MRFAP1L1: variants seen among roughly 807,000 people sequenced by gnomAD.
MRFAP1L1 encodes MORF4 family-associated protein 1-like 1.
A neutral mutation model predicts 10.6 loss-of-function variants in MRFAP1L1; 9 were observed. That is an observed-to-expected ratio of 0.85 (90% CI 0.51 to 1.48). MRFAP1L1 has a LOEUF of 1.48. Among genes scored for constraint, MRFAP1L1 ranks in the 40% most tolerant of loss-of-function variants. The pLI, the probability that MRFAP1L1 is intolerant of heterozygous loss-of-function variation, is 0.00. For missense variants in MRFAP1L1, 177 were observed against 171.4 expected, an observed-to-expected ratio of 1.03 and a Z score of -0.18; for synonymous variants, 78 against 70.4, an observed-to-expected ratio of 1.11 and a Z score of -0.54.
chr4:6,707,755 A>G lies in MRFAP1L1; in HGVS notation c.*904T>C, dbSNP rs1169628751. 6.6e-6 allele frequency: 1 copy of G among 152,216 alleles called. No homozygotes were observed. The highest frequency in any genetic ancestry group is 1.9e-4 in the East Asian group (1 of 5,208). The allele number at this position is 152,216 out of a possible 1,614,324, so 9.4% of individuals were successfully genotyped here. On this transcript the variant is annotated 3_prime_UTR_variant, in exon 2 of 2. Coordinates refer to ENST00000320848, the MANE Select transcript of MRFAP1L1 (RefSeq NM_203462.3). ...CAGGAGGGGCTTTGGTCATGTGAAC[A>G]AAAAATTTATTTCTTAAAAAAGGCT...
rs62289390 is a variant in MRFAP1L1 at position 6,708,629 on chromosome 4, T to C, written c.*30A>G. 0.03 allele frequency: 4,542 copies of C among 153,286 alleles called. 124 individuals are homozygous for C. The highest frequency in any genetic ancestry group is 0.041 in the Non-Finnish European group (2,823 of 68,656). 9.5% of individuals were successfully genotyped at this position (153,286 alleles called of 1,614,324 possible). A position where few individuals can be genotyped will look rare whatever the true frequency, so the allele number is the denominator to read the frequency against. On this transcript the variant is annotated 3_prime_UTR_variant, in exon 2 of 2. Transcript: ENST00000320848. The stretch of plus-strand genomic sequence containing the variant: ...GTTCATCCTTACCAGTTGACTACAG[T>C]CCTCAGCTGTGAACCTAAAGCACAA...
rs920067343 is a variant in MRFAP1L1, at chr4:6,707,807, A to G, written c.*852T>C. 1 of 152,204 alleles carries G rather than the reference A, an allele frequency of 6.6e-6. No homozygotes were observed. Among genetic ancestry groups the G allele is most frequent in the East Asian group, 1.9e-4 (1 of 5,198 alleles). The allele number at this position is 152,204 out of a possible 1,614,324, so 9.4% of individuals were successfully genotyped here. A position where few individuals can be genotyped will look rare whatever the true frequency, so the allele number is the denominator to read the frequency against. On this transcript the variant is annotated 3_prime_UTR_variant, in exon 2 of 2. Transcript: ENST00000320848. Reference sequence around the variant, plus strand: ...TTTAGGTCTTTGTTTTTCAAGGCAAATTAACACTTATTATACTTTTGACTT... The same window carrying G: ...TTTAGGTCTTTGTTTTTCAAGGCAAGTTAACACTTATTATACTTTTGACTT...
rs1714730099 is a variant in MRFAP1L1 at position 6,709,650 on chromosome 4, G to A, written c.-21C>T. On this transcript the variant is annotated 5_prime_UTR_variant, in exon 1 of 2. Transcript: ENST00000320848. ...CGCATCTCCTCCTGCCGCTTCCTCA[G>A]TACCGCAGTAGGGGCGTTCTTCTCA... The A allele has an allele frequency of 6.2e-7, 1 of 1,603,272 alleles. No individual in the cohort carries two copies. Among genetic ancestry groups the A allele is most frequent in the Admixed American group, 1.7e-5 (1 of 59,666 alleles).
Position 6,709,736 on chromosome 4 carries a change from C to T in MRFAP1L1, c.-107G>A. ...TGCTGGAGGCTGAGCGACCCACACG[C>T]TTTGTCAATTGTACTCCCGAATTAT... On this transcript the variant is annotated 5_prime_UTR_variant, in exon 1 of 2. Coordinates refer to ENST00000320848, the MANE Select transcript of MRFAP1L1 (RefSeq NM_203462.3). 6 of 1,408,734 alleles carry T rather than the reference C, an allele frequency of 4.3e-6. No homozygotes were observed. Among genetic ancestry groups the T allele is most frequent in the African/African-American group, 1.4e-5 (1 of 69,470 alleles). 87.3% of individuals were successfully genotyped at this position (1,408,734 alleles called of 1,614,324 possible). A position where few individuals can be genotyped will look rare whatever the true frequency, so the allele number is the denominator to read the frequency against.
Position 6,709,830 on chromosome 4 carries a change from G to A in MRFAP1L1, c.-201C>T, listed in dbSNP as rs1041269225. ...ACAACTCTGCGGGAAGAATCGCCGT[G>A]GATGCACACAAATAAGCGGCCTACA... On this transcript the variant is annotated 5_prime_UTR_variant, in exon 1 of 2. Coordinates refer to ENST00000320848, the MANE Select transcript of MRFAP1L1 (RefSeq NM_203462.3). 4 of 727,096 alleles carry A rather than the reference G, an allele frequency of 5.5e-6. No homozygotes were observed. Among genetic ancestry groups the A allele is most frequent in the Admixed American group, 3.1e-5 (1 of 32,718 alleles). The allele number at this position is 727,096 out of a possible 1,614,324, so 45.0% of individuals were successfully genotyped here.
Position 6,709,605 on chromosome 4 carries a change from C to A in MRFAP1L1, c.25G>T (p.Val9Leu). The change falls in exon 1 of 2, where the codon GTG becomes TTG. Residue 9 changes from valine to leucine, a missense_variant. Coordinates refer to ENST00000320848, the MANE Select transcript of MRFAP1L1 (RefSeq NM_203462.3). Reference sequence around the variant, plus strand: ...ACCTCCACTTCCTCAGGCGCTTCCACCTCGTCTATGTCCAGGGGCCGCATC... The same window carrying A: ...ACCTCCACTTCCTCAGGCGCTTCCAACTCGTCTATGTCCAGGGGCCGCATC... MRPLDIDE[V>L]EAPEEVEVLE... 6.2e-7 allele frequency: 1 copy of A among 1,613,626 alleles called. No homozygotes were observed. The highest frequency in any genetic ancestry group is 8.5e-7 in the Non-Finnish European group (1 of 1,179,530).
Position 6,709,825 on chromosome 4 carries a change from G to A in MRFAP1L1, c.-196C>T, listed in dbSNP as rs888115058. 8 of 748,066 alleles carry A rather than the reference G, an allele frequency of 1.1e-5. No individual in the cohort carries two copies. Among genetic ancestry groups the A allele is most frequent in the Middle Eastern group, 4.0e-4 (1 of 2,516 alleles). 46.3% of individuals were successfully genotyped at this position (748,066 alleles called of 1,614,324 possible). A position where few individuals can be genotyped will look rare whatever the true frequency, so the allele number is the denominator to read the frequency against. ...GCTTCACAACTCTGCGGGAAGAATCGCCGTGGATGCACACAAATAAGCGGC... is the reference window on the plus strand; with the variant it reads ...GCTTCACAACTCTGCGGGAAGAATCACCGTGGATGCACACAAATAAGCGGC... On this transcript the variant is annotated 5_prime_UTR_variant, in exon 1 of 2. Coordinates refer to ENST00000320848, the MANE Select transcript of MRFAP1L1 (RefSeq NM_203462.3).
At position 6,709,862 on chromosome 4, in the gene MRFAP1L1, A is replaced by T; in HGVS notation, c.-233T>A. ...CACAAATAAGCGGCCTACAAAATGG[A>T]GTCGCAGCCGTCAACTCGCCCTCGG... On this transcript the variant is annotated 5_prime_UTR_variant, in exon 1 of 2. Transcript: ENST00000320848. The T allele has an allele frequency of 1.7e-6, 1 of 578,776 alleles. No individual in the cohort carries two copies. Among genetic ancestry groups the T allele is most frequent in the Non-Finnish European group, 3.0e-6 (1 of 332,724 alleles). The allele number at this position is 578,776 out of a possible 1,614,324, so 35.9% of individuals were successfully genotyped here.
chr4:6,709,760 A>C lies in MRFAP1L1; in HGVS notation c.-131T>G, dbSNP rs1425780326. ...GCTTTGTCAATTGTACTCCCGAATT[A>C]TCTTTATTTTTTTTTCTTCCTTTTA... On this transcript the variant is annotated 5_prime_UTR_variant, in exon 1 of 2. Coordinates refer to ENST00000320848, the MANE Select transcript of MRFAP1L1 (RefSeq NM_203462.3). 8.3e-7 allele frequency: 1 copy of C among 1,208,506 alleles called. No homozygotes were observed. Among genetic ancestry groups the C allele is most frequent in the African/African-American group, 1.5e-5 (1 of 65,024 alleles). The allele number at this position is 1,208,506 out of a possible 1,614,324, so 74.9% of individuals were successfully genotyped here.
In MRFAP1L1 at chr4:6,707,724, C is replaced by A. The variant is rs752067962; in HGVS notation, c.*935G>T. ...AATTTGTTTATGATTCTTTTATTAACACACACAGGAGGGGCTTTGGTCATG... is the reference window on the plus strand; with the variant it reads ...AATTTGTTTATGATTCTTTTATTAAAACACACAGGAGGGGCTTTGGTCATG... On this transcript the variant is annotated 3_prime_UTR_variant, in exon 2 of 2. Coordinates refer to ENST00000320848, the MANE Select transcript of MRFAP1L1 (RefSeq NM_203462.3). The A allele has an allele frequency of 6.6e-6, 1 of 152,280 alleles. No homozygotes were observed. Among genetic ancestry groups the A allele is most frequent in the South Asian group, 2.1e-4 (1 of 4,824 alleles). The allele number at this position is 152,280 out of a possible 1,614,324, so 9.4% of individuals were successfully genotyped here.
Position 6,709,597 on chromosome 4 carries a change from C to A in MRFAP1L1, c.33G>T (p.Ala11=), listed in dbSNP as rs761591825. 1 of 1,613,848 alleles carries A rather than the reference C, an allele frequency of 6.2e-7. No homozygotes were observed. Among genetic ancestry groups the A allele is most frequent in the Non-Finnish European group, 8.5e-7 (1 of 1,179,740 alleles). The change falls in exon 1 of 2, where the codon GCG becomes GCT. Residue 11 remains alanine (A), a synonymous_variant. Transcript: ENST00000320848. The part of the protein sequence containing the change: MRPLDIDEVE[A]PEEVEVLEPE... ...GCTCCAGCACCTCCACTTCCTCAGG[C>A]GCTTCCACCTCGTCTATGTCCAGGG...
In MRFAP1L1 at chr4:6,709,693, C is replaced by G; in HGVS notation, c.-64G>C. The G allele has an allele frequency of 6.4e-7, 1 of 1,558,630 alleles. No individual in the cohort carries two copies. Among genetic ancestry groups the G allele is most frequent in the Non-Finnish European group, 8.7e-7 (1 of 1,147,162 alleles). On this transcript the variant is annotated 5_prime_UTR_variant, in exon 1 of 2. Transcript: ENST00000320848. ...TCTTCTCACCGGAACCCTCCAAGAA[C>G]TGGAGATCAGCAGTTACTGCTGGAG... is the stretch of plus-strand genomic sequence containing the variant.
Position 6,709,354 on chromosome 4 carries a change from T to G in MRFAP1L1, c.276A>C (p.Arg92Ser). 6.2e-7 allele frequency: 1 copy of G among 1,614,210 alleles called. No individual in the cohort carries two copies. Among genetic ancestry groups the G allele is most frequent in the Non-Finnish European group, 8.5e-7 (1 of 1,180,032 alleles). The part of the protein sequence containing the change: ...VQHPSGEADE[R>S]VSELCEKAEE... ...CAGCCTTCTCGCACAACTCCGACAC[T>G]CTCTCGTCGGCTTCGCCACTCGGGT... The change falls in exon 1 of 2, where the codon AGA becomes AGC. Residue 92 changes from arginine to serine, a missense_variant. Physicochemically the swap from Arg to Ser is moderately radical, Grantham distance 110. Coordinates refer to ENST00000320848, the MANE Select transcript of MRFAP1L1 (RefSeq NM_203462.3).
chr4:6,709,665 CG>C lies in MRFAP1L1; in HGVS notation c.-37del. On this transcript the variant is annotated 5_prime_UTR_variant, in exon 1 of 2. Transcript: ENST00000320848. ...CGCTTCCTCAGTACCGCAGTAGGGGCGTTCTTCTCACCGGAACCCTCCAAGA... is the reference window on the plus strand; with the variant it reads ...CGCTTCCTCAGTACCGCAGTAGGGGCTTCTTCTCACCGGAACCCTCCAAGA... 5.7e-6 allele frequency: 9 copies of C among 1,588,464 alleles called. No individual in the cohort carries two copies. Among genetic ancestry groups the C allele is most frequent in the Non-Finnish European group, 7.7e-6 (9 of 1,163,058 alleles).
chr4:6,708,140 T>G lies in MRFAP1L1; in HGVS notation c.*519A>C, dbSNP rs1018535010. The G allele has an allele frequency of 2.0e-5, 3 of 152,654 alleles. No homozygotes were observed. The highest frequency in any genetic ancestry group is 2.9e-5 in the Non-Finnish European group (2 of 68,050). 9.5% of individuals were successfully genotyped at this position (152,654 alleles called of 1,614,324 possible). On this transcript the variant is annotated 3_prime_UTR_variant, in exon 2 of 2. Coordinates refer to ENST00000320848, the MANE Select transcript of MRFAP1L1 (RefSeq NM_203462.3). ...ACAGAGGAACTAAAGTTCCAAAATA[T>G]ATACAAAACCATCTTCCATCTCCAA...
At chr4:6,709,132 G>C (rs1194629259) in intron 1 of MRFAP1L1, 99 bp downstream of exon 1, 9 of 1,277,736 alleles carry the variant, frequency 7.0e-6, no homozygotes, top group Non-Finnish European at 9.8e-6. Flanking sequence ...TAAAATGGGG[G>C]ATGCAGGCCT....
At chr4:6,709,022 A>C in intron 1 of MRFAP1L1, 1 of 580,542 alleles carries the variant, frequency 1.7e-6, no homozygotes. Context: ...CGTGGGAGGG[A>C]GAGGCCACAA....
Position 6,709,378 on chromosome 4 carries a change from G to A in MRFAP1L1, c.252C>T (p.His84=), listed in dbSNP as rs563642910. The change falls in exon 1 of 2, where the codon CAC becomes CAT. Residue 84 remains histidine, a synonymous_variant. Transcript: ENST00000320848. The part of the protein sequence containing the change: ...SEESALNHVQ[H]PSGEADERVS... ...CTCTCTCGTCGGCTTCGCCACTCGGGTGCTGCACGTGATTGAGGGCGCTCT... is the reference window on the plus strand; with the variant it reads ...CTCTCTCGTCGGCTTCGCCACTCGGATGCTGCACGTGATTGAGGGCGCTCT... The A allele has an allele frequency of 1.2e-6, 2 of 1,614,254 alleles. No individual in the cohort carries two copies. Among genetic ancestry groups the A allele is most frequent in the Non-Finnish European group, 1.7e-6 (2 of 1,180,048 alleles).
chr4:6,709,576 C>T lies in MRFAP1L1; in HGVS notation c.54G>A (p.Leu18=). The change falls in exon 1 of 2, where the codon CTG becomes CTA. Residue 18 remains leucine (L), a synonymous_variant. Transcript: ENST00000320848. ...ACTGCTCGAAATCCTCCTCGGGCTC[C>T]AGCACCTCCACTTCCTCAGGCGCTT... The part of the protein sequence containing the change: ...EVEAPEEVEV[L]EPEEDFEQFL... 3 of 1,614,158 alleles carry T rather than the reference C, an allele frequency of 1.9e-6. No individual in the cohort carries two copies. Among genetic ancestry groups the T allele is most frequent in the Non-Finnish European group, 2.5e-6 (3 of 1,179,974 alleles).
Sources: allele counts gnomAD v4.1 joint callset, GRCh38; gene constraint gnomAD v4.1.1; transcripts MANE v1.5; gene names NCBI Gene and HGNC (gene_info 2026-07-23, HGNC 2026-07-21).